ADGRL2: variants seen among roughly 807,000 people sequenced by gnomAD.
ADGRL2 encodes adhesion G protein-coupled receptor L2.
In ADGRL2, 44 loss-of-function variants were observed where a neutral mutation model predicts 157.4. That is an observed-to-expected ratio of 0.28 (90% CI 0.22 to 0.36). The LOEUF (loss-of-function observed/expected upper bound fraction) is 0.36. Ranked by LOEUF, ADGRL2 falls within the 10% of genes least tolerant of loss-of-function variation. The pLI, the probability that ADGRL2 is intolerant of heterozygous loss-of-function variation, is 1.00. For missense variants in ADGRL2, 1,510 were observed against 1,768.9 expected (o/e 0.85, Z 2.63); for synonymous variants, 585 against 624.7 (o/e 0.94, Z 0.95).
chr1:81,692,231 A>G (rs2083357055), intron 3 of ADGRL2, among the ~76,000 whole-genome samples: 1 of 151,932 alleles, frequency 6.6e-6, no homozygotes, highest in Admixed American at 6.6e-5. Context: ...ACATGGCGAA[A>G]CCCCATCTCT....
intron 3 of ADGRL2, among the ~76,000 whole-genome samples, chr1:81,589,364 C>T (rs1195636577): frequency 6.6e-6 from 1 of 152,154 alleles, no homozygotes; most frequent in African/African-American, 2.4e-5. Flanking sequence ...ACTCACATAA[C>T]CCTGGGACAA....
intron 2 of ADGRL2, among the ~76,000 whole-genome samples, chr1:81,467,792 T>A (rs1182760531): frequency 1.3e-5 from 2 of 152,060 alleles, no homozygotes; most frequent in Non-Finnish European, 2.9e-5. Flanking sequence ...AATGTAAGGT[T>A]GGTGTTTGCA....
intron 2 of ADGRL2, chr1:81,557,482 G>GAAGAAAGAAGA (rs2080324068): frequency 3.3e-5 from 4 of 120,064 alleles, no homozygotes; most frequent in Non-Finnish European, 5.2e-5. Context: ...AAGAAAGAAA[G>GAAGAAAGAAGA]AAGAAAGAAA....
At chr1:81,589,466 C>T (rs2081089833) in intron 3 of ADGRL2, among the ~76,000 whole-genome samples, 1 of 152,150 alleles carries the variant, frequency 6.6e-6, no homozygotes, top group Admixed American at 6.5e-5. Flanking sequence ...TTTGCCAGAA[C>T]AATAACCACA....
intron 2 of ADGRL2, among the ~76,000 whole-genome samples, chr1:81,548,970 T>C (rs1205893572): frequency 6.6e-6 from 1 of 152,230 alleles, no homozygotes; most frequent in Non-Finnish European, 1.5e-5. Context: ...GATTTCTGCC[T>C]TGCAGTCCAA....
intron 2 of ADGRL2, among the ~76,000 whole-genome samples, chr1:81,518,091 G>A (rs1396648744): frequency 6.6e-6 from 1 of 152,258 alleles, no homozygotes; most frequent in Admixed American, 6.5e-5. Flanking sequence ...TAGCGAGGAA[G>A]GATGGAGAGT....
At chr1:81,526,442 C>T (rs1381541732) in intron 2 of ADGRL2, among the ~76,000 whole-genome samples, 4 of 151,998 alleles carry the variant, frequency 2.6e-5, no homozygotes, top group Admixed American at 6.6e-5. Context: ...AGGTAGCAAA[C>T]TACTTAAAAA....
chr1:81,695,171 C>T (rs1226910671), upstream of ADGRL2, among the ~76,000 whole-genome samples: 1 of 151,912 alleles, frequency 6.6e-6, no homozygotes, highest in Admixed American at 6.6e-5. Context: ...AGTGGGGACT[C>T]GACAGTCTCT....
chr1:81,722,909 A>T (rs1417758746), intron 1 of ADGRL2: 7 of 731,592 alleles, frequency 9.6e-6, no homozygotes, highest in Non-Finnish European at 1.7e-5. Context: ...ACTCAATGAA[A>T]TTCTTAGTGA....
upstream of ADGRL2, among the ~76,000 whole-genome samples, chr1:81,797,837 TG>T (rs1557659495): frequency 1.3e-5 from 2 of 152,172 alleles, no homozygotes; most frequent in African/African-American, 2.4e-5. Context: ...ATGGTTAAAA[TG>T]TTTGAAGCCC....
intron 2 of ADGRL2, among the ~76,000 whole-genome samples, chr1:81,526,445 C>T (rs1334131676): frequency 1.3e-5 from 2 of 152,024 alleles, no homozygotes; most frequent in Non-Finnish European, 2.9e-5. Flanking sequence ...TAGCAAACTA[C>T]TTAAAAAGAT....
chr1:81,726,282 T>C (rs979203087), intron 1 of ADGRL2, among the ~76,000 whole-genome samples: 1 of 152,142 alleles, frequency 6.6e-6, no homozygotes, highest in South Asian at 2.1e-4. Context: ...CATACATCCT[T>C]CCCTGGACTC....
At chr1:81,880,705 C>A (rs2093965541) in intron 2 of ADGRL2, among the ~76,000 whole-genome samples, 1 of 151,940 alleles carries the variant, frequency 6.6e-6, no homozygotes, top group Non-Finnish European at 1.5e-5. Flanking sequence ...CACGCGGGCC[C>A]TTAGTCTGAG....
intron 1 of ADGRL2, among the ~76,000 whole-genome samples, chr1:81,753,014 A>G (rs12117626): frequency 0.084 from 12,722 of 152,248 alleles, 567 homozygotes; most frequent in South Asian, 0.17. Context: ...GTAAACTTGT[A>G]GTGAATTCCA....
At chr1:81,740,349 T>A (rs1479768988) in intron 1 of ADGRL2, among the ~76,000 whole-genome samples, 4 of 152,242 alleles carry the variant, frequency 2.6e-5, no homozygotes, top group Non-Finnish European at 5.9e-5. Flanking sequence ...GTTTCTGGCA[T>A]CCTTGAATAT....
intron 3 of ADGRL2, among the ~76,000 whole-genome samples, chr1:81,682,512 C>A (rs573603134): frequency 3.4e-4 from 51 of 152,238 alleles, no homozygotes; most frequent in African/African-American, 1.2e-3. Context: ...TGTGGTCTGG[C>A]CATAACGTGG....
At chr1:81,546,875 G>A (rs2080030109) in intron 2 of ADGRL2, among the ~76,000 whole-genome samples, 1 of 152,122 alleles carries the variant, frequency 6.6e-6, no homozygotes. Context: ...GTCATCTCAG[G>A]AGGGACTTGT....
chr1:81,579,341 A>G (rs2080859713), intron 2 of ADGRL2: 2 of 152,202 alleles, frequency 1.3e-5, no homozygotes, highest in South Asian at 4.1e-4. Context: ...ATGTGTATCT[A>G]AAATGACAAA....
intron 1 of ADGRL2, among the ~76,000 whole-genome samples, chr1:81,307,865 A>G (rs1172659844): frequency 6.6e-6 from 1 of 151,822 alleles, no homozygotes; most frequent in Non-Finnish European, 1.5e-5. Context: ...ATGCGCCTTG[A>G]TTTTTGAGTA....
Sources: gnomAD v4.1 joint callset for allele counts (sites outside exome capture counted in the v4.1 genomes callset) on GRCh38, gnomAD v4.1.1 for gene constraint, MANE v1.5 for transcripts, NCBI Gene and HGNC (gene_info 2026-07-23, HGNC 2026-07-21) for gene names.